IFT74: variants seen among roughly 807,000 people sequenced by gnomAD.
IFT74 encodes intraflagellar transport 74, also known as intraflagellar transport protein 74 homolog.
IFT74 carries 92 observed loss-of-function variants against 96.7 expected under a neutral mutation model. The observed-to-expected ratio is 0.95, with a 90% CI of 0.80 to 1.13. The LOEUF is 1.13. IFT74 is among the 50% of genes most tolerant of loss of function. The probability of loss-of-function intolerance (pLI) is 0.00; values close to 1 mark genes in which losing one functional copy is unlikely to be tolerated. For missense variants in IFT74, 811 were observed against 698.2 expected, an observed-to-expected ratio of 1.16 and a Z score of -1.82; for synonymous variants, 223 against 213.2, an observed-to-expected ratio of 1.05 and a Z score of -0.40.
At chr9:27,036,582 T>A (rs1250179350) in intron 13 of IFT74, 8 of 1,586,132 alleles carry the variant, frequency 5.0e-6, no homozygotes, top group Non-Finnish European at 6.8e-6. Context: ...TAGCCTCCCA[T>A]TGTTTCACAG....
chr9:26,961,668 T>C (rs1826364906), intron 1 of IFT74, among the ~76,000 whole-genome samples: 1 of 151,960 alleles, frequency 6.6e-6, no homozygotes, highest in South Asian at 2.1e-4. Flanking sequence ...GGAGAGAAAA[T>C]TTACCAGAGT....
chr9:26,964,082 T>G (rs1442193058), intron 2 of IFT74, among the ~76,000 whole-genome samples: 1 of 143,954 alleles, frequency 6.9e-6, no homozygotes, highest in Non-Finnish European at 1.5e-5. Flanking sequence ...TCTTCTAGGG[T>G]TTTTATGGTT....
intron 8 of IFT74, among the ~76,000 whole-genome samples, chr9:27,001,481 C>G (rs1372585646): frequency 6.6e-6 from 1 of 152,130 alleles, no homozygotes; most frequent in Non-Finnish European, 1.5e-5. Context: ...TATTGCCTGT[C>G]ATATTGATAG....
chr9:27,024,982 A>G (rs1262813302), intron 12 of IFT74, among the ~76,000 whole-genome samples: 1 of 151,982 alleles, frequency 6.6e-6, no homozygotes, highest in Non-Finnish European at 1.5e-5. Flanking sequence ...ATTAAAAAAA[A>G]AAAAAAGCAC....
intron 2 of IFT74, among the ~76,000 whole-genome samples, chr9:26,973,483 C>T (rs1368582130): frequency 2.0e-5 from 3 of 152,264 alleles, no homozygotes; most frequent in East Asian, 1.9e-4. Flanking sequence ...AAGTTTTTCT[C>T]GATTCCCTTC....
intron 2 of IFT74, among the ~76,000 whole-genome samples, chr9:26,977,421 G>A (rs747251713): frequency 2.6e-5 from 4 of 152,194 alleles, no homozygotes; most frequent in Non-Finnish European, 5.9e-5. Context: ...AACATAGTGA[G>A]CCCTTGTCTC....
At chr9:27,060,731 G>A (rs1820380291) in intron 19 of IFT74, 80 bp downstream of exon 19, 1 of 960,194 alleles carries the variant, frequency 1.0e-6, no homozygotes, top group South Asian at 1.8e-5. Flanking sequence ...GGCCGAGGCA[G>A]GTGGGCCACA....
chr9:26,973,088 C>T (rs1422910722), intron 2 of IFT74, among the ~76,000 whole-genome samples: 2 of 152,214 alleles, frequency 1.3e-5, no homozygotes, highest in Non-Finnish European at 2.9e-5. Flanking sequence ...TGGGGATCTT[C>T]TCACTCAAAG....
intron 6 of IFT74, among the ~76,000 whole-genome samples, chr9:26,986,408 T>TGA (rs1827636765): frequency 6.6e-6 from 1 of 151,832 alleles, no homozygotes; most frequent in Non-Finnish European, 1.5e-5. Flanking sequence ...CTAGACTTTC[T>TGA]GAGCTCAATT....
chr9:26,967,582 A>C (rs980049476), intron 2 of IFT74, among the ~76,000 whole-genome samples: 6 of 151,772 alleles, frequency 4.0e-5, no homozygotes, highest in African/African-American at 1.5e-4. Flanking sequence ...GATGCCCTTT[A>C]TTTCTTTTTG....
At chr9:26,947,182 C>T in intron 1 of IFT74, 1 of 1,075,430 alleles carries the variant, frequency 9.3e-7, no homozygotes, top group Non-Finnish European at 1.3e-6. Flanking sequence ...AGCCCGAGAG[C>T]CGGTACGGAA....
At position 27,052,307 on chromosome 9, in the gene IFT74, C is replaced by G. The variant is rs143915772; in HGVS notation, c.1334-3302C>G. Among the ~76,000 whole-genome samples, 35 of 152,132 alleles carry G rather than the reference C, an allele frequency of 2.3e-4. No individual in the cohort carries two copies. The East Asian group carries it at 5.2e-3, about 23-fold the overall frequency. ...GGCGGATCATCTGAGGTCACGAGTT[C>G]AAGAGCTGCCTGACCAACATGGTAA... On this transcript the variant is annotated intron_variant, in intron 16 of 19. Transcript: ENST00000380062.
At chr9:26,998,393 T>C in intron 8 of IFT74, 3 of 472,946 alleles carry the variant, frequency 6.3e-6, no homozygotes, top group Non-Finnish European at 7.3e-6. Flanking sequence ...AGAGCAAATC[T>C]TTTTCTTTAT....
chr9:27,006,831 G>GTTTTTT (rs35534656), intron 8 of IFT74, among the ~76,000 whole-genome samples: 19 of 64,388 alleles, frequency 3.0e-4, no homozygotes, highest in Non-Finnish European at 4.0e-4. Flanking sequence ...ATTATTGTGT[G>GTTTTTT]TTTTTTTTTT....
At chr9:27,048,389 C>T in intron 16 of IFT74, 115 bp downstream of exon 16, 1 of 659,752 alleles carries the variant, frequency 1.5e-6, no homozygotes, top group East Asian at 3.0e-5. Context: ...GCCTATTGCC[C>T]CAGAATTATG....
intron 10 of IFT74, among the ~76,000 whole-genome samples, chr9:27,015,854 G>A (rs1829316747): frequency 6.6e-6 from 1 of 152,190 alleles, no homozygotes; most frequent in African/African-American, 2.4e-5. Context: ...TAAATAACAT[G>A]TAGTATAGTG....
At chr9:26,962,150 G>A (rs566464232) in intron 2 of IFT74, 63 bp downstream of exon 2, 6 of 1,543,962 alleles carry the variant, frequency 3.9e-6, no homozygotes, top group Non-Finnish European at 5.3e-6. Context: ...TTGAGTCCAG[G>A]AGACTGGGGC....
chr9:27,044,986 T>C (rs1459907560), intron 14 of IFT74, among the ~76,000 whole-genome samples, 191 bp downstream of exon 14: 1 of 152,198 alleles, frequency 6.6e-6, no homozygotes, highest in African/African-American at 2.4e-5. Context: ...TAAAAAGATA[T>C]GTGATGAGTG....
At chr9:27,056,517 C>A in intron 18 of IFT74, 58 bp downstream of exon 18, 3 of 1,448,308 alleles carry the variant, frequency 2.1e-6, no homozygotes, top group Non-Finnish European at 2.8e-6. Context: ...CACCCCAAAA[C>A]AATCAATTTT....
Sources: allele counts gnomAD v4.1 joint callset (sites outside exome capture counted in the v4.1 genomes callset), GRCh38; gene constraint gnomAD v4.1.1; transcripts MANE v1.5; gene names NCBI Gene and HGNC (gene_info 2026-07-23, HGNC 2026-07-21).